Variants in SNX10 observed in about 807,000 individuals in gnomAD.
SNX10 encodes sorting nexin-10.
Under a neutral mutation model 28.5 loss-of-function variants are expected in SNX10, and 25 were observed. The ratio of observed to expected loss-of-function variants is 0.88; its 90% confidence interval spans 0.64 to 1.22. The LOEUF (loss-of-function observed/expected upper bound fraction) is 1.22. Among genes scored for constraint, SNX10 ranks in the 50% most tolerant of loss-of-function variants. SNX10 has a pLI of 0.00. For synonymous variants in SNX10, 62 were observed against 81.4 expected, an observed-to-expected ratio of 0.76 and a Z score of 1.28; for missense variants, 223 against 242.6, an observed-to-expected ratio of 0.92 and a Z score of 0.54.
intron 1 of SNX10, among the ~76,000 whole-genome samples, chr7:26,301,076 G>C (rs1008801092): frequency 6.8e-6 from 1 of 146,042 alleles, no homozygotes; most frequent in East Asian, 2.1e-4. Context: ...TGTGTTTTCT[G>C]AGTATAGCTT....
At chr7:26,309,613 T>C (rs897694557) in intron 1 of SNX10, among the ~76,000 whole-genome samples, 1 of 152,206 alleles carries the variant, frequency 6.6e-6, no homozygotes, top group Non-Finnish European at 1.5e-5. Context: ...CCCGGGTTCA[T>C]GTATGTGGGA....
At chr7:26,363,995 C>T (rs1306425751) in intron 3 of SNX10, among the ~76,000 whole-genome samples, 1 of 152,182 alleles carries the variant, frequency 6.6e-6, no homozygotes, top group African/African-American at 2.4e-5. Flanking sequence ...CTCGGACGGA[C>T]ACGCTCCCTC....
Position 26,361,061 on chromosome 7 carries a change from T to C in SNX10, c.111T>C (p.His37=). ...HSYIDYEICI[H]TNSMCFTMKT... ...ACATTGACTATGAGATATGTATTCA[T>C]GTAAGTATGTAGTCAGTAGAAATAG... Residue 37 remains histidine (H), a splice_region_variant and synonymous_variant, in exon 3 of 7, where the codon CAT becomes CAC. Coordinates refer to ENST00000338523, the MANE Select transcript of SNX10 (RefSeq NM_013322.3). 6.3e-7 allele frequency: 1 copy of C among 1,599,312 alleles called. No homozygotes were observed. Among genetic ancestry groups the C allele is most frequent in the Non-Finnish European group, 8.6e-7 (1 of 1,169,198 alleles).
At position 26,372,721 on chromosome 7, in the gene SNX10, G is replaced by A. The variant is rs535821721; in HGVS notation, c.*149G>A. ...AAAGATGTTGGGTTGTTTATTAGTG[G>A]TATTTTTATGTTGTCTTATTTTAGG... On this transcript the variant is annotated 3_prime_UTR_variant, in exon 7 of 7. Transcript: ENST00000338523. 3.0e-5 allele frequency: 17 copies of A among 560,992 alleles called. No homozygotes were observed. In the South Asian group the frequency reaches 3.4e-4, roughly 11 times the overall value. 34.8% of individuals were successfully genotyped at this position (560,992 alleles called of 1,614,324 possible).
chr7:26,342,712 C>T (rs1471564331), intron 1 of SNX10, among the ~76,000 whole-genome samples: 12 of 152,152 alleles, frequency 7.9e-5, no homozygotes. Flanking sequence ...TACAGATTTA[C>T]AGTATTAGAG....
chr7:26,305,085 A>C (rs1313223682), intron 1 of SNX10, among the ~76,000 whole-genome samples: 2 of 152,134 alleles, frequency 1.3e-5, no homozygotes, highest in Non-Finnish European at 2.9e-5. Flanking sequence ...GGAGAAATCC[A>C]CCACCACTAC....
At chr7:26,367,422 A>G (rs1169835274) in intron 5 of SNX10, among the ~76,000 whole-genome samples, 2 of 152,154 alleles carry the variant, frequency 1.3e-5, no homozygotes, top group Non-Finnish European at 2.9e-5. Flanking sequence ...TTGTGATATC[A>G]TTTGTTCCCC....
intron 2 of SNX10, among the ~76,000 whole-genome samples, chr7:26,359,715 G>C (rs998601582): frequency 6.6e-6 from 1 of 151,500 alleles, no homozygotes; most frequent in Non-Finnish European, 1.5e-5. Context: ...CCAGGCTGGA[G>C]TGCAGTGATG....
At chr7:26,321,494 C>T (rs567544526) in intron 1 of SNX10, among the ~76,000 whole-genome samples, 20 of 152,282 alleles carry the variant, frequency 1.3e-4, no homozygotes, top group African/African-American at 4.6e-4. Flanking sequence ...GAAGAAGACT[C>T]CTGTTGGCTT....
chr7:26,313,293 G>A (rs979243110), intron 1 of SNX10, among the ~76,000 whole-genome samples: 3 of 152,208 alleles, frequency 2.0e-5, no homozygotes, highest in African/African-American at 7.2e-5. Context: ...GTATAATACA[G>A]TATTGTTAGC....
At chr7:26,340,169 A>T (rs553552050) in intron 1 of SNX10, among the ~76,000 whole-genome samples, 8 of 152,340 alleles carry the variant, frequency 5.3e-5, no homozygotes, top group Non-Finnish European at 1.0e-4. Flanking sequence ...CAAGCCTAGC[A>T]TTGCAAATGT....
chr7:26,294,958 T>G (rs1363545729), intron 1 of SNX10, among the ~76,000 whole-genome samples: 1 of 152,182 alleles, frequency 6.6e-6, no homozygotes, highest in African/African-American at 2.4e-5. Context: ...TAGCCAGGCT[T>G]CAGTCAAGGG....
chr7:26,321,142 C>G (rs973251411), intron 1 of SNX10, among the ~76,000 whole-genome samples: 9 of 152,194 alleles, frequency 5.9e-5, no homozygotes, highest in Admixed American at 3.9e-4. Flanking sequence ...TGGCCTGTTT[C>G]AAATGGAGCC....
chr7:26,369,622 G>A (rs888329872), intron 5 of SNX10, among the ~76,000 whole-genome samples: 3 of 152,098 alleles, frequency 2.0e-5, no homozygotes, highest in African/African-American at 7.2e-5. Context: ...CTAGGCCTGG[G>A]GGAGTGTTCA....
chr7:26,352,912 A>C (rs2128016212), intron 2 of SNX10, among the ~76,000 whole-genome samples: 1 of 152,144 alleles, frequency 6.6e-6, no homozygotes, highest in Non-Finnish European at 1.5e-5. Context: ...CTTTTGCCTT[A>C]TGGAGGTTTT....
intron 1 of SNX10, among the ~76,000 whole-genome samples, chr7:26,296,100 A>G (rs1786098966): frequency 6.6e-6 from 1 of 151,432 alleles, no homozygotes; most frequent in South Asian, 2.1e-4. Context: ...GCACCATTGT[A>G]CTGCAGCCTG....
At chr7:26,344,249 G>A (rs1231198766) in intron 1 of SNX10, among the ~76,000 whole-genome samples, 1 of 143,750 alleles carries the variant, frequency 7.0e-6, no homozygotes, top group African/African-American at 2.6e-5. Flanking sequence ...TCAGCTCACT[G>A]CAACTTTTGC....
chr7:26,370,498 A>T (rs966728062), intron 5 of SNX10: 1 of 152,224 alleles, frequency 6.6e-6, no homozygotes, highest in Non-Finnish European at 1.5e-5. Flanking sequence ...ATAGACCAGT[A>T]AAGAATATTT....
At chr7:26,361,905 C>T (rs1789087636) in intron 3 of SNX10, among the ~76,000 whole-genome samples, 1 of 152,220 alleles carries the variant, frequency 6.6e-6, no homozygotes. Flanking sequence ...AGATGCATAT[C>T]AGATGCAAAC....
Sources: allele counts gnomAD v4.1 joint callset (sites outside exome capture counted in the v4.1 genomes callset), GRCh38; gene constraint gnomAD v4.1.1; transcripts MANE v1.5; gene names NCBI Gene and HGNC (gene_info 2026-07-23, HGNC 2026-07-21).